Variants in FBXO11 observed in about 807,000 individuals in gnomAD.
FBXO11 encodes F-box only protein 11.
A neutral mutation model predicts 117.0 loss-of-function variants in FBXO11; 13 were observed. The ratio of observed to expected loss-of-function variants is 0.11; its 90% CI spans 0.07 to 0.18. FBXO11 has a LOEUF of 0.18. Among genes scored for constraint, FBXO11 ranks in the 10% least tolerant of loss-of-function variants. FBXO11 has a pLI of 1.00. For missense variants in FBXO11, 767 were observed against 1,164.4 expected, an observed-to-expected ratio of 0.66 and a Z score of 4.97; for synonymous variants, 490 against 380.5, an observed-to-expected ratio of 1.29 and a Z score of -3.35.
intron 21 of FBXO11, 90 bp downstream of exon 21, chr2:47,809,068 C>T: frequency 1.3e-6 from 1 of 755,814 alleles, no homozygotes; most frequent in Non-Finnish European, 2.2e-6. Context: ...AGTCTCAACA[C>T]CGGCAAATAG....
At chr2:47,859,609 T>C (rs561870387) in intron 1 of FBXO11, among the ~76,000 whole-genome samples, 10 of 152,356 alleles carry the variant, frequency 6.6e-5, no homozygotes, top group African/African-American at 2.2e-4. Context: ...GCTGAAGCTT[T>C]ACTCTTGTCT....
At chr2:47,810,279 T>C in intron 19 of FBXO11, 37 bp downstream of exon 19, 1 of 1,362,968 alleles carries the variant, frequency 7.3e-7, no homozygotes, top group Non-Finnish European at 1.0e-6. Flanking sequence ...TTTGCAGAAC[T>C]ATATATAAGC....
chr2:47,888,929 T>C (rs60321178), intron 1 of FBXO11, among the ~76,000 whole-genome samples: 2,343 of 152,344 alleles, frequency 0.015, 64 homozygotes, highest in African/African-American at 0.053. Context: ...GAGTACTTAA[T>C]CGCACCCAGT....
rs148936980 is a variant in FBXO11, at chr2:47,815,195, G to C, written c.2007-1328C>G. 3.4e-3 allele frequency among the ~76,000 whole-genome samples: 522 copies of C among 152,166 alleles called. 4 individuals carry two copies. Among genetic ancestry groups the C allele is most frequent in the Non-Finnish European group, 5.5e-3 (376 of 68,010 alleles). On this transcript the variant is annotated intron_variant, in intron 16 of 22. Coordinates refer to ENST00000403359, the MANE Select transcript of FBXO11 (RefSeq NM_001190274.2). ...AACGTTTATTTTTGTATTTAGGTTT[G>C]ATGAATGAACATCCACGCAGAAATG...
At chr2:47,808,280 G>A in intron 22 of FBXO11, 33 bp from the exon 23 acceptor site, 1 of 1,612,706 alleles carries the variant, frequency 6.2e-7, no homozygotes, top group Non-Finnish European at 8.5e-7. Context: ...TATTAGAAAA[G>A]TGAGGGGGAA....
intron 1 of FBXO11, among the ~76,000 whole-genome samples, chr2:47,884,587 G>A (rs1306492872): frequency 6.6e-6 from 1 of 152,180 alleles, no homozygotes; most frequent in Non-Finnish European, 1.5e-5. Context: ...CATTCGGAAA[G>A]TATGATTATT....
intron 12 of FBXO11, 39 bp downstream of exon 12, chr2:47,823,104 G>T: frequency 4.8e-6 from 7 of 1,467,464 alleles, no homozygotes; most frequent in Non-Finnish European, 6.5e-6. Context: ...AAACCTTGAA[G>T]TGAAAAAGTA....
At chr2:47,868,343 T>G (rs891545431) in intron 1 of FBXO11, among the ~76,000 whole-genome samples, 2 of 150,218 alleles carry the variant, frequency 1.3e-5, no homozygotes, top group African/African-American at 4.9e-5. Context: ...GAAGCTTTCA[T>G]GTTCTTCTCA....
intron 11 of FBXO11, among the ~76,000 whole-genome samples, chr2:47,823,719 C>G (rs533730813): frequency 1.3e-5 from 2 of 151,848 alleles, no homozygotes; most frequent in Non-Finnish European, 2.9e-5. Context: ...CGCCACTGCA[C>G]TCCAGCCTGG....
chr2:47,877,692 G>C (rs1676110714), intron 1 of FBXO11, among the ~76,000 whole-genome samples: 1 of 151,914 alleles, frequency 6.6e-6, no homozygotes. Context: ...GTTTCGTTTT[G>C]TTTTGTTTTT....
At chr2:47,855,685 A>T (rs1409629759) in intron 1 of FBXO11, among the ~76,000 whole-genome samples, 1 of 152,116 alleles carries the variant, frequency 6.6e-6, no homozygotes, top group Non-Finnish European at 1.5e-5. Flanking sequence ...ATACAAAATC[A>T]GCCAGGCATG....
intron 19 of FBXO11, chr2:47,809,921 C>A: frequency 3.7e-6 from 2 of 536,582 alleles, no homozygotes; most frequent in Non-Finnish European, 6.6e-6. Flanking sequence ...TTCGCACCAA[C>A]CTAACTGTCT....
chr2:47,831,362 C>T (rs928893734), intron 11 of FBXO11, among the ~76,000 whole-genome samples: 12 of 147,676 alleles, frequency 8.1e-5, no homozygotes, highest in Admixed American at 6.2e-4. Flanking sequence ...TTGCAGTGAG[C>T]CAAGATCACA....
At chr2:47,849,649 A>C (rs985143215) in intron 1 of FBXO11, among the ~76,000 whole-genome samples, 1 of 152,226 alleles carries the variant, frequency 6.6e-6, no homozygotes, top group Non-Finnish European at 1.5e-5. Flanking sequence ...GAAAGTATTG[A>C]GGGAATATTT....
In FBXO11 at chr2:47,832,640, G is replaced by C. The variant is rs1672281556; in HGVS notation, c.1192C>G (p.Pro398Ala). Residue 398 changes from proline to alanine, a missense_variant, in exon 10 of 23, where the codon CCC becomes GCC. Physicochemically the swap from Pro to Ala is conservative, Grantham distance 27. Around this residue, in one of 10 missense-constraint regions of FBXO11, gnomAD observed 123 missense variants for 145.0 expected, o/e 0.85. Transcript: ENST00000403359. ...CTGATGTTACAGTGCTTGATGGTGG[G>C]ACATGCTCCTTGACCACTAACACAT... ...AVCVSGQGAC[P>A]TIKHCNISDC... 6.2e-7 allele frequency: 1 copy of C among 1,613,944 alleles called. No individual in the cohort carries two copies. Among genetic ancestry groups the C allele is most frequent in the Non-Finnish European group, 8.5e-7 (1 of 1,179,932 alleles).
At chr2:47,848,591 T>G (rs1673602016) in intron 1 of FBXO11, among the ~76,000 whole-genome samples, 1 of 152,218 alleles carries the variant, frequency 6.6e-6, no homozygotes, top group Non-Finnish European at 1.5e-5. Flanking sequence ...CACACATATA[T>G]AATATCAAAA....
intron 1 of FBXO11, among the ~76,000 whole-genome samples, chr2:47,880,078 C>T (rs910856855): frequency 2.0e-5 from 3 of 152,006 alleles, no homozygotes; most frequent in Non-Finnish European, 4.4e-5. Flanking sequence ...TTACTGCAGC[C>T]TCCACCTTCC....
At chr2:47,824,139 A>T (rs1671576760) in intron 11 of FBXO11, among the ~76,000 whole-genome samples, 1 of 152,252 alleles carries the variant, frequency 6.6e-6, no homozygotes, top group Non-Finnish European at 1.5e-5. Context: ...GTAAGCACAT[A>T]TCCTTCAACA....
At chr2:47,851,587 G>C (rs1357828133) in intron 1 of FBXO11, among the ~76,000 whole-genome samples, 4 of 152,146 alleles carry the variant, frequency 2.6e-5, no homozygotes, top group Non-Finnish European at 5.9e-5. Flanking sequence ...TGAGGGAACT[G>C]TTCTAGTAGG....
Sources: allele counts gnomAD v4.1 joint callset (sites outside exome capture counted in the v4.1 genomes callset), GRCh38; gene constraint gnomAD v4.1.1; regional missense constraint gnomAD v4.1.1; transcripts MANE v1.5; gene names NCBI Gene and HGNC (gene_info 2026-07-23, HGNC 2026-07-21).